Variants in TERB2 observed in about 807,000 individuals in gnomAD.
The protein encoded by TERB2 is telomere repeats-binding bouquet formation protein 2.
In TERB2, 26 loss-of-function variants were observed where a neutral mutation model predicts 29.8. The observed-to-expected ratio is 0.87, with a 90% confidence interval of 0.64 to 1.21. TERB2 has a LOEUF of 1.21. Ranked by LOEUF, TERB2 falls within the 50% of genes most tolerant of loss-of-function variation. The pLI, the probability that TERB2 is intolerant of heterozygous loss-of-function variation, is 0.00. For missense variants in TERB2, 240 were observed against 268.6 expected (o/e 0.89, Z 0.74); for synonymous variants, 80 against 90.8 (o/e 0.88, Z 0.68).
intron 5 of TERB2, among the ~76,000 whole-genome samples, chr15:44,968,248 G>C (rs35078025): frequency 0.18 from 27,441 of 151,524 alleles, 2,913 homozygotes; most frequent in East Asian, 0.33. Context: ...CAGAATCTTA[G>C]TCTGTTGCCC....
intron 6 of TERB2, among the ~76,000 whole-genome samples, chr15:44,974,734 G>A (rs1181535492): frequency 6.6e-6 from 1 of 152,048 alleles, no homozygotes; most frequent in Non-Finnish European, 1.5e-5. Context: ...GCTTTTAAAA[G>A]AGCAATTTTT....
At chr15:44,958,255 T>A in intron 2 of TERB2, 118 bp from the exon 3 acceptor site, 1 of 1,255,026 alleles carries the variant, frequency 8.0e-7, no homozygotes, top group African/African-American at 1.5e-5. Context: ...AAGGACAGCA[T>A]ACATGTATGC....
chr15:44,966,629 A>G (rs1417416025), intron 5 of TERB2, among the ~76,000 whole-genome samples: 2 of 152,208 alleles, frequency 1.3e-5, no homozygotes, highest in Non-Finnish European at 1.5e-5. Context: ...TTTAAAAATT[A>G]TACGTATCTG....
chr15:44,977,624 T>C (rs912679778), intron 6 of TERB2, among the ~76,000 whole-genome samples: 3 of 152,194 alleles, frequency 2.0e-5, no homozygotes, highest in Non-Finnish European at 4.4e-5. Flanking sequence ...GTCAATTTTA[T>C]GTGCTTCGAT....
At chr15:44,959,817 C>T (rs769033685) in intron 3 of TERB2, among the ~76,000 whole-genome samples, 1 of 152,098 alleles carries the variant, frequency 6.6e-6, no homozygotes, top group African/African-American at 2.4e-5. Context: ...TGTTCATCTC[C>T]AGAAAGACAG....
At chr15:44,962,019 G>A (rs1364201183) in intron 4 of TERB2, among the ~76,000 whole-genome samples, 3 of 151,640 alleles carry the variant, frequency 2.0e-5, no homozygotes, top group Non-Finnish European at 4.4e-5. Context: ...AAATTTAAAG[G>A]GCATGCTGTT....
chr15:44,964,288 T>C (rs552615938), intron 4 of TERB2, among the ~76,000 whole-genome samples: 40 of 152,296 alleles, frequency 2.6e-4, no homozygotes, highest in African/African-American at 9.6e-4. Context: ...TATATTTCTG[T>C]CATTAATTTG....
At chr15:44,963,568 A>C (rs1412728800) in intron 4 of TERB2, among the ~76,000 whole-genome samples, 1 of 151,898 alleles carries the variant, frequency 6.6e-6, no homozygotes, top group Non-Finnish European at 1.5e-5. Context: ...GAACTGTATA[A>C]TGGGTGATAC....
At chr15:44,961,213 T>C (rs78200758) in intron 3 of TERB2, among the ~76,000 whole-genome samples, 19 of 140,734 alleles carry the variant, frequency 1.4e-4, no homozygotes, top group African/African-American at 4.9e-4. Context: ...TATATATATA[T>C]ATACACACAC....
At chr15:44,958,310 T>G in intron 2 of TERB2, 63 bp from the exon 3 acceptor site, 1 of 1,505,940 alleles carries the variant, frequency 6.6e-7, no homozygotes, top group Non-Finnish European at 8.9e-7. Flanking sequence ...ATTTATTCTT[T>G]TGAAAGGTTA....
At chr15:44,971,975 T>C (rs34461282) in intron 5 of TERB2, among the ~76,000 whole-genome samples, 20,911 of 139,342 alleles carry the variant, frequency 0.15, 2,061 homozygotes, top group East Asian at 0.3. Flanking sequence ...TTAAATGAAA[T>C]AGAAGCTTTT....
At chr15:44,959,469 G>A (rs1312781951) in intron 3 of TERB2, among the ~76,000 whole-genome samples, 1 of 152,058 alleles carries the variant, frequency 6.6e-6, no homozygotes, top group Non-Finnish European at 1.5e-5. Flanking sequence ...CTGGGTTCAA[G>A]CGATTCTCCT....
In TERB2 at chr15:44,956,793, G is replaced by A. The variant is rs777903614; in HGVS notation, c.64+11G>A. On this transcript the variant is annotated intron_variant, in intron 1 of 6. Transcript: ENST00000340827. ...TGAGGCAATTCTGGGGTAGGAAGCT[G>A]AGTGGAAGCAGCGGGTTAGGTGGTG... 3 of 1,613,964 alleles carry A rather than the reference G, an allele frequency of 1.9e-6. No individual in the cohort carries two copies. Among genetic ancestry groups the A allele is most frequent in the South Asian group, 1.1e-5 (1 of 91,062 alleles).
intron 2 of TERB2, 90 bp downstream of exon 2, chr15:44,957,067 G>A (rs1202825882): frequency 7.4e-7 from 1 of 1,344,762 alleles, no homozygotes; most frequent in Non-Finnish European, 1.0e-6. Context: ...ATATTGATGA[G>A]GCTGGGCGCG....
At chr15:44,958,762 T>C (rs1052247998) in intron 3 of TERB2, among the ~76,000 whole-genome samples, 7 of 152,384 alleles carry the variant, frequency 4.6e-5, no homozygotes, top group Non-Finnish European at 8.8e-5. Context: ...TCAACCTGGG[T>C]AGGTGCTGGG....
chr15:44,963,762 T>G lies in TERB2; in HGVS notation c.348+2178T>G, dbSNP rs866985471. Among the ~76,000 whole-genome samples the G allele has an allele frequency of 2.0e-5, 3 of 150,832 alleles. No homozygotes were observed. In the South Asian group the frequency reaches 6.3e-4, roughly 31 times the overall value. On this transcript the variant is annotated intron_variant, in intron 4 of 6. Transcript: ENST00000340827. ...CAAGGTGTCAGAAATGTTAACACTT[T>G]GTGAATCTAGGTGAAAGGTATATGG...
At chr15:44,959,591 TTC>T (rs1891770881) in intron 3 of TERB2, among the ~76,000 whole-genome samples, 8 of 152,194 alleles carry the variant, frequency 5.3e-5, no homozygotes, top group Admixed American at 4.6e-4. Context: ...TGGTCTTGAA[TTC>T]CTGACCTCAA....
chr15:44,959,353 A>AT (rs988111716), intron 3 of TERB2, among the ~76,000 whole-genome samples: 3 of 151,520 alleles, frequency 2.0e-5, no homozygotes, highest in East Asian at 1.9e-4. Context: ...AATCCTGCCT[A>AT]TTTTTTCTGG....
At chr15:44,959,675 A>C (rs1891772234) in intron 3 of TERB2, among the ~76,000 whole-genome samples, 1 of 152,164 alleles carries the variant, frequency 6.6e-6, no homozygotes, top group Admixed American at 6.5e-5. Flanking sequence ...GCCTGGGCTA[A>C]CTTTAACTAG....
Sources: allele counts gnomAD v4.1 joint callset (sites outside exome capture counted in the v4.1 genomes callset), GRCh38; gene constraint gnomAD v4.1.1; transcripts MANE v1.5; gene names NCBI Gene and HGNC (gene_info 2026-07-23, HGNC 2026-07-21).